NAALADL2: variants seen among roughly 807,000 people sequenced by gnomAD.
NAALADL2 encodes the protein N-acetylated alpha-linked acidic dipeptidase like 2.
Under a neutral mutation model 87.2 loss-of-function variants are expected in NAALADL2, and 76 were observed. The observed-to-expected ratio is 0.87, with a 90% CI of 0.72 to 1.05. The LOEUF (loss-of-function observed/expected upper bound fraction) is 1.05, where lower values mean the gene tolerates loss of function less well. Ranked by LOEUF, NAALADL2 falls within the 50% of genes least tolerant of loss-of-function variation. The pLI, the probability that NAALADL2 is intolerant of heterozygous loss-of-function variation, is 0.00. For missense variants in NAALADL2, 1,089 were observed against 945.8 expected, an observed-to-expected ratio of 1.15 and a Z score of -1.99; for synonymous variants, 354 against 331.0, an observed-to-expected ratio of 1.07 and a Z score of -0.75.
chr3:174,718,779 G>T (rs529625355), intron 2 of NAALADL2, among the ~76,000 whole-genome samples: 40 of 152,222 alleles, frequency 2.6e-4, no homozygotes, highest in African/African-American at 8.9e-4. Flanking sequence ...AGTACTTGCC[G>T]CTCCCTTTAG....
At position 175,043,738 on chromosome 3, in the gene NAALADL2, G is replaced by A. The variant is rs539611340; in HGVS notation, c.44-53052G>A. ...TCATTTCTCTTCTGTTAGTCTATGT[G>A]TCTGTATTTATGTCAGTACCATACT... On this transcript the variant is annotated intron_variant, in intron 1 of 13. Transcript: ENST00000454872. 6.6e-5 allele frequency among the ~76,000 whole-genome samples: 10 copies of A among 152,130 alleles called. No homozygotes were observed. In the South Asian group the frequency reaches 2.1e-3, roughly 32 times the overall value.
At chr3:174,991,487 A>G (rs1350288224) in intron 1 of NAALADL2, among the ~76,000 whole-genome samples, 3 of 152,046 alleles carry the variant, frequency 2.0e-5, no homozygotes, top group African/African-American at 4.8e-5. Flanking sequence ...TATTTGATAT[A>G]TGTTTTATTT....
chr3:174,908,995 T>A (rs1044497908), intron 1 of NAALADL2, among the ~76,000 whole-genome samples: 4 of 148,764 alleles, frequency 2.7e-5, no homozygotes, highest in African/African-American at 1.0e-4. Context: ...ATGTCCTTAG[T>A]TTATCATACT....
chr3:174,455,053 T>C (rs7610495), intron 1 of NAALADL2, among the ~76,000 whole-genome samples: 69,081 of 151,444 alleles, frequency 0.46, 17,164 homozygotes, highest in East Asian at 0.92. Context: ...GGGATATTAC[T>C]GCTGACCCCA....
intron 5 of NAALADL2, among the ~76,000 whole-genome samples, chr3:175,436,377 G>T (rs960635563): frequency 2.0e-5 from 3 of 148,944 alleles, no homozygotes; most frequent in Admixed American, 6.8e-5. Flanking sequence ...CTAATGGGAT[G>T]GCTGGGTCAA....
At chr3:175,367,653 C>G (rs200130809) in intron 5 of NAALADL2, among the ~76,000 whole-genome samples, 1 of 151,546 alleles carries the variant, frequency 6.6e-6, no homozygotes, top group African/African-American at 2.4e-5. Context: ...TGATTTGGCT[C>G]TCTGTCTGTT....
At chr3:174,942,406 T>C (rs1190136683) in intron 1 of NAALADL2, among the ~76,000 whole-genome samples, 1 of 152,212 alleles carries the variant, frequency 6.6e-6, no homozygotes, top group Non-Finnish European at 1.5e-5. Flanking sequence ...GGTCCACTAT[T>C]AGCCTTATAG....
At chr3:174,447,109 A>G (rs904443671) in intron 1 of NAALADL2, among the ~76,000 whole-genome samples, 1 of 152,228 alleles carries the variant, frequency 6.6e-6, no homozygotes, top group South Asian at 2.1e-4. Context: ...AGATAAGACA[A>G]TGTGAGAGAT....
In NAALADL2 at chr3:175,355,022, A is replaced by ATGTGTGTGTGTG. The variant is rs3067322; in HGVS notation, c.1090+30723_1090+30734dup. Among the ~76,000 whole-genome samples, 566 of 139,416 alleles carry ATGTGTGTGTGTG rather than the reference A, an allele frequency of 4.1e-3. 7 individuals are homozygous for ATGTGTGTGTGTG. The highest frequency in any genetic ancestry group is 0.015 in the African/African-American group (553 of 36,266). The allele number at this position is 139,416 out of a possible 152,430, so 91.5% of individuals were successfully genotyped here. A position where few individuals can be genotyped will look rare whatever the true frequency, so the allele number is the denominator to read the frequency against. The stretch of plus-strand genomic sequence containing the variant: ...TTATATATATAATTGCTATATATAT[A>ATGTGTGTGTGTG]TGTGTGTGTGTGTGTGTGTGTGTGT... On this transcript the variant is annotated intron_variant, in intron 5 of 13. Coordinates refer to ENST00000454872, the MANE Select transcript of NAALADL2 (RefSeq NM_207015.3).
chr3:175,422,712 A>C (rs57225788), intron 5 of NAALADL2, among the ~76,000 whole-genome samples: 27,172 of 151,922 alleles, frequency 0.18, 3,504 homozygotes, highest in African/African-American at 0.36. Flanking sequence ...CAGATACAAC[A>C]CATTGCATAC....
At chr3:175,325,716 G>A (rs1760626439) in intron 5 of NAALADL2, among the ~76,000 whole-genome samples, 1 of 152,180 alleles carries the variant, frequency 6.6e-6, no homozygotes, top group Non-Finnish European at 1.5e-5. Context: ...ACAGAATTCA[G>A]TCATAGCTAG....
chr3:175,196,992 GA>G (rs1056761122), intron 2 of NAALADL2, among the ~76,000 whole-genome samples: 4 of 151,626 alleles, frequency 2.6e-5, no homozygotes, highest in Non-Finnish European at 4.4e-5. Flanking sequence ...TAAAAAATAA[GA>G]AAAAAATAGG....
intron 2 of NAALADL2, among the ~76,000 whole-genome samples, chr3:174,653,075 A>G (rs1224329267): frequency 6.6e-6 from 1 of 152,226 alleles, no homozygotes; most frequent in Non-Finnish European, 1.5e-5. Context: ...CATGTGGACC[A>G]ACTAGAACTC....
chr3:175,063,965 G>A (rs970499157), intron 1 of NAALADL2, among the ~76,000 whole-genome samples: 15 of 152,084 alleles, frequency 9.9e-5, no homozygotes, highest in African/African-American at 3.1e-4. Context: ...GAGTTACTCT[G>A]TGACACTGCA....
chr3:175,698,367 A>G (rs1003525568), intron 11 of NAALADL2, among the ~76,000 whole-genome samples: 1 of 115,126 alleles, frequency 8.7e-6, no homozygotes, highest in African/African-American at 4.1e-5. Context: ...ATGTGTATAT[A>G]TGTATGTGTA....
intron 1 of NAALADL2, among the ~76,000 whole-genome samples, chr3:175,075,166 T>C (rs929841439): frequency 2.6e-5 from 4 of 152,114 alleles, no homozygotes; most frequent in African/African-American, 9.7e-5. Flanking sequence ...TCAGAGTGGC[T>C]AAGCAACTTG....
chr3:174,745,652 C>G (rs1412193464), intron 3 of NAALADL2, among the ~76,000 whole-genome samples: 1 of 151,976 alleles, frequency 6.6e-6, no homozygotes, highest in Non-Finnish European at 1.5e-5. Flanking sequence ...AAGAAAACTT[C>G]AGCCAATATC....
intron 2 of NAALADL2, among the ~76,000 whole-genome samples, chr3:175,174,903 T>C (rs542252221): frequency 1.6e-4 from 24 of 152,158 alleles, no homozygotes; most frequent in Middle Eastern, 3.4e-3. Flanking sequence ...GAACTACATT[T>C]AATATTTAAC....
intron 9 of NAALADL2, among the ~76,000 whole-genome samples, chr3:175,544,083 G>A (rs544078588): frequency 6.6e-6 from 1 of 152,172 alleles, no homozygotes; most frequent in East Asian, 1.9e-4. Context: ...AGGAGGACAG[G>A]GCTCGGATAA....
Sources: gnomAD v4.1 joint callset for allele counts (sites outside exome capture counted in the v4.1 genomes callset) on GRCh38, gnomAD v4.1.1 for gene constraint, MANE v1.5 for transcripts, NCBI Gene and HGNC (gene_info 2026-07-23, HGNC 2026-07-21) for gene names.